UBXN2A: variants seen among roughly 807,000 people sequenced by gnomAD.
UBXN2A encodes UBX domain-containing protein 2A.
Under a neutral mutation model 28.4 loss-of-function variants are expected in UBXN2A, and 28 were observed. The ratio of observed to expected loss-of-function variants is 0.99; its 90% CI spans 0.73 to 1.35. The LOEUF is 1.35. Ranked by LOEUF, UBXN2A falls within the 40% of genes most tolerant of loss-of-function variation. The pLI is 0.00. For missense variants in UBXN2A, 253 were observed against 297.9 expected, an observed-to-expected ratio of 0.85 and a Z score of 1.11; for synonymous variants, 97 against 103.6, an observed-to-expected ratio of 0.94 and a Z score of 0.39.
At chr2:23,968,816 A>G (rs1251631078) in intron 2 of UBXN2A, 2 of 152,448 alleles carry the variant, frequency 1.3e-5, no homozygotes, top group South Asian at 2.1e-4. Context: ...ATTTTCCTGC[A>G]TGATTTCAAA....
intron 2 of UBXN2A, among the ~76,000 whole-genome samples, chr2:23,960,922 A>AC (rs1400064519): frequency 6.6e-6 from 1 of 152,124 alleles, no homozygotes; most frequent in Non-Finnish European, 1.5e-5. Flanking sequence ...GGTGTGAGCC[A>AC]CCATGCCTGG....
intron 1 of UBXN2A, among the ~76,000 whole-genome samples, chr2:23,941,817 A>G (rs1057230066): frequency 1.3e-5 from 2 of 152,218 alleles, no homozygotes; most frequent in African/African-American, 4.8e-5. Context: ...TCACGCCTGT[A>G]ATCCCAGCAC....
chr2:23,951,650 G>A (rs1395591010), intron 1 of UBXN2A, among the ~76,000 whole-genome samples: 1 of 151,586 alleles, frequency 6.6e-6, no homozygotes, highest in Non-Finnish European at 1.5e-5. Context: ...TAGTAGAGAC[G>A]GGGTTTCACC....
chr2:23,952,071 A>T (rs1307369243), intron 1 of UBXN2A, among the ~76,000 whole-genome samples: 1 of 151,132 alleles, frequency 6.6e-6, no homozygotes, highest in Non-Finnish European at 1.5e-5. Flanking sequence ...TGTTCAAGCA[A>T]TTCTCCTGCT....
intron 6 of UBXN2A, among the ~76,000 whole-genome samples, chr2:23,995,448 T>C (rs1275252915): frequency 6.6e-6 from 1 of 151,868 alleles, no homozygotes; most frequent in Non-Finnish European, 1.5e-5. Context: ...ACCCAGCACT[T>C]TGGGAGGCTG....
At position 23,947,385 on chromosome 2, in the gene UBXN2A, A is replaced by G. The variant is rs1259120881; in HGVS notation, c.-15+6737A>G. Among the ~76,000 whole-genome samples, 25 of 152,230 alleles carry G rather than the reference A, an allele frequency of 1.6e-4. 1 individual carries two copies. Among genetic ancestry groups the G allele is most frequent in the Admixed American group, 1.6e-3 (25 of 15,280 alleles). On this transcript the variant is annotated intron_variant, in intron 1 of 6. Transcript: ENST00000309033. ...GCTATATCAATGTAAGATGATGGTG[A>G]TAGTTGGAAGTAGACCGAAGAAAAA...
intron 6 of UBXN2A, among the ~76,000 whole-genome samples, chr2:23,988,287 C>T (rs1250155570): frequency 1.3e-5 from 2 of 152,170 alleles, no homozygotes; most frequent in African/African-American, 2.4e-5. Context: ...GAAACTTAAC[C>T]TTAATACGCT....
chr2:23,947,707 G>A (rs956392681), intron 1 of UBXN2A, among the ~76,000 whole-genome samples: 6 of 152,120 alleles, frequency 3.9e-5, no homozygotes, highest in East Asian at 1.9e-4. Context: ...CTTACAATTA[G>A]TAATTCAGTT....
chr2:23,969,456 A>G (rs1280207946), intron 2 of UBXN2A, among the ~76,000 whole-genome samples: 1 of 151,710 alleles, frequency 6.6e-6, no homozygotes, highest in East Asian at 1.9e-4. Flanking sequence ...TCCACCTCCC[A>G]GGTTCAAGTG....
chr2:23,958,864 A>G (rs141226764), intron 2 of UBXN2A, among the ~76,000 whole-genome samples: 245 of 152,242 alleles, frequency 1.6e-3, no homozygotes, highest in Non-Finnish European at 2.6e-3. Context: ...TTGTTTTTAC[A>G]GACAGGGTGT....
At chr2:23,944,210 C>T in intron 1 of UBXN2A, 1 of 1,554,240 alleles carries the variant, frequency 6.4e-7, no homozygotes, top group Non-Finnish European at 8.8e-7. Flanking sequence ...CACTCGTCTT[C>T]CCTCTCATGT....
chr2:23,995,475 A>T (rs1016433106), intron 6 of UBXN2A, among the ~76,000 whole-genome samples: 3 of 151,966 alleles, frequency 2.0e-5, no homozygotes, highest in African/African-American at 7.2e-5. Context: ...GCGGATCACG[A>T]GGTCAGGAGA....
chr2:23,938,056 A>G (rs944263288), upstream of UBXN2A, among the ~76,000 whole-genome samples: 1 of 152,210 alleles, frequency 6.6e-6, no homozygotes, highest in Non-Finnish European at 1.5e-5. Context: ...CATATGCTGT[A>G]AGTCATGGAC....
chr2:23,942,408 A>C (rs1414499755), intron 1 of UBXN2A, among the ~76,000 whole-genome samples: 4 of 139,640 alleles, frequency 2.9e-5, no homozygotes, highest in Admixed American at 1.5e-4. Context: ...GGCCAAAGAG[A>C]TGATGCAGGG....
chr2:23,957,089 T>C (rs1706664217), intron 1 of UBXN2A, among the ~76,000 whole-genome samples: 1 of 152,210 alleles, frequency 6.6e-6, no homozygotes, highest in African/African-American at 2.4e-5. Flanking sequence ...TGTATTATTT[T>C]TTGTTGTATT....
At chr2:23,938,208 G>C (rs1705587046), upstream of UBXN2A, among the ~76,000 whole-genome samples, 1 of 152,284 alleles carries the variant, frequency 6.6e-6, no homozygotes, top group Admixed American at 6.5e-5. Context: ...GCTCACACCT[G>C]TAATACCGGC....
In UBXN2A at chr2:23,990,835, A is replaced by G. The variant is rs144748995; in HGVS notation, c.584+6004A>G. Among the ~76,000 whole-genome samples, 818 of 152,286 alleles carry G rather than the reference A, an allele frequency of 5.4e-3. 3 individuals carry two copies. The highest frequency in any genetic ancestry group is 0.01 in the Middle Eastern group (3 of 294). On this transcript the variant is annotated intron_variant, in intron 6 of 6. Coordinates refer to ENST00000309033, the MANE Select transcript of UBXN2A (RefSeq NM_181713.4). The stretch of plus-strand genomic sequence containing the variant: ...ATAAACATGGATGAGTCCCAAAAAC[A>G]TAATGTAGAGATAAAGCTATAGAAC...
intron 1 of UBXN2A, chr2:23,944,482 C>A: frequency 1.5e-6 from 1 of 652,088 alleles, no homozygotes; most frequent in South Asian, 1.5e-5. Context: ...TTCAGATCCC[C>A]TTGGAACAGT....
upstream of UBXN2A, among the ~76,000 whole-genome samples, chr2:23,939,278 G>C (rs534660861): frequency 6.6e-6 from 1 of 152,296 alleles, no homozygotes; most frequent in East Asian, 1.9e-4. Context: ...TAAGGAGAGA[G>C]TTCAGTGGAA....
Sources: allele counts gnomAD v4.1 joint callset (sites outside exome capture counted in the v4.1 genomes callset), GRCh38; gene constraint gnomAD v4.1.1; transcripts MANE v1.5; gene names NCBI Gene and HGNC (gene_info 2026-07-23, HGNC 2026-07-21).